DAZAP1: variants seen among roughly 807,000 people sequenced by gnomAD.
DAZAP1 encodes DAZ associated protein 1, also known as DAZ-associated protein 1.
DAZAP1 carries 6 observed loss-of-function variants against 60.1 expected under a neutral mutation model. The observed-to-expected ratio is 0.10, with a 90% CI of 0.05 to 0.20. The LOEUF is 0.20. DAZAP1 is among the 10% of genes least tolerant of loss of function. The pLI is 1.00. For missense variants in DAZAP1, 366 were observed against 560.4 expected, an observed-to-expected ratio of 0.65 and a Z score of 3.50; for synonymous variants, 235 against 215.9, an observed-to-expected ratio of 1.09 and a Z score of -0.78.
At position 1,432,735 on chromosome 19, in the gene DAZAP1, C is replaced by T. The variant is rs367769026; in HGVS notation, c.1048+45C>T. 2.2e-5 allele frequency: 34 copies of T among 1,535,706 alleles called. No individual in the cohort carries two copies. Among genetic ancestry groups the T allele is most frequent in the Non-Finnish European group, 2.9e-5 (33 of 1,137,478 alleles). The stretch of plus-strand genomic sequence containing the variant: ...GCCGCGTCCCCGCTGGCCCCAGGAC[C>T]CTGGGCACGGCCTGCCTTCTTCTGC... On this transcript the variant is annotated intron_variant, in intron 11 of 11. Transcript: ENST00000233078. This position sits in a 1 kb window ranked among gnomAD's most constrained non-coding sequence, Gnocchi z 4.9.
At chr19:1,413,986 G>T (rs1417438273) in intron 1 of DAZAP1, among the ~76,000 whole-genome samples, 1 of 125,036 alleles carries the variant, frequency 8.0e-6, no homozygotes, top group Non-Finnish European at 1.7e-5. Context: ...CACCCCCAGT[G>T]AACTGTGTGT....
intron 9 of DAZAP1, 93 bp from the exon 10 acceptor site, chr19:1,430,129 C>T: frequency 6.6e-7 from 1 of 1,515,694 alleles, no homozygotes. Context: ...GGGTGAGGGG[C>T]CTGCTAGGGC....
rs1005332375 is a variant in DAZAP1 at position 1,434,054 on chromosome 19, G to C, written c.1049-683G>C. ...GCACCCGAATGGGAACCCAGAGGTC[G>C]TGGGAGGGGCTTCCTGCAAGGTGTG... is the stretch of plus-strand genomic sequence containing the variant. On this transcript the variant is annotated intron_variant, in intron 11 of 11. Coordinates refer to ENST00000233078, the MANE Select transcript of DAZAP1 (RefSeq NM_018959.4). The surrounding 1 kb of genome is among the most constrained non-coding windows in gnomAD (Gnocchi z 8.0). 1.7e-6 allele frequency: 1 copy of C among 571,918 alleles called. No individual in the cohort carries two copies. Among genetic ancestry groups the C allele is most frequent in the East Asian group, 2.9e-5 (1 of 34,306 alleles). 35.4% of individuals were successfully genotyped at this position (571,918 alleles called of 1,614,324 possible).
intron 5 of DAZAP1, among the ~76,000 whole-genome samples, chr19:1,421,684 A>AGGGGGCCGGC (rs2083159666): frequency 6.6e-6 from 1 of 152,160 alleles, no homozygotes; most frequent in African/African-American, 2.4e-5. Flanking sequence ...GGACAGCCGG[A>AGGGGGCCGGC]GGGGGCCGGC....
Position 1,425,159 on chromosome 19 carries a change from C to T in DAZAP1, c.464-719C>T, listed in dbSNP as rs1569080789. Among the ~76,000 whole-genome samples, 1 of 152,216 alleles carries T rather than the reference C, an allele frequency of 6.6e-6. No individual in the cohort carries two copies. Among genetic ancestry groups the T allele is most frequent in the African/African-American group, 2.4e-5 (1 of 41,466 alleles). On this transcript the variant is annotated intron_variant, in intron 6 of 11. Coordinates refer to ENST00000233078, the MANE Select transcript of DAZAP1 (RefSeq NM_018959.4). This position sits in a 1 kb window ranked among gnomAD's most constrained non-coding sequence, Gnocchi z 5.4. ...GTATCTTTGTGCATTGTTTCTCTAC[C>T]TGTATAGAACATGCATAGATGTCTA...
At chr19:1,413,840 GAA>G (rs1220063537) in intron 1 of DAZAP1, among the ~76,000 whole-genome samples, 5 of 152,282 alleles carry the variant, frequency 3.3e-5, no homozygotes, top group East Asian at 1.9e-4. Flanking sequence ...TCTCAGTAAT[GAA>G]AGTCTTTTAT....
Position 1,407,788 on chromosome 19 carries a change from C to A in DAZAP1, c.15C>A (p.Gly5=). 9.2e-7 allele frequency: 1 copy of A among 1,081,910 alleles called. No individual in the cohort carries two copies. Among genetic ancestry groups the A allele is most frequent in the Non-Finnish European group, 1.1e-6 (1 of 892,212 alleles). The allele number at this position is 1,081,910 out of a possible 1,614,324, so 67.0% of individuals were successfully genotyped here. A position where few individuals can be genotyped will look rare whatever the true frequency, so the allele number is the denominator to read the frequency against. MNNS[G]ADEIGKLFVG... The stretch of plus-strand genomic sequence containing the variant: ...CCGCCGCCGCCATGAACAACTCGGG[C>A]GCCGACGAGATCGGGTGAGGACGAG... The change falls in exon 1 of 12, where the codon GGC becomes GGA. Residue 5 remains glycine, a synonymous_variant. Transcript: ENST00000233078.
Position 1,426,087 on chromosome 19 carries a change from C to T in DAZAP1, c.546+127C>T, listed in dbSNP as rs890889195. On this transcript the variant is annotated intron_variant, in intron 7 of 11. Transcript: ENST00000233078. The surrounding 1 kb of genome is among the most constrained non-coding windows in gnomAD (Gnocchi z 5.4). ...GAGTTCGTCCTGTGAACCTTTGCTG[C>T]GTGAGGTGGGCCTGGGTCTGTAGAC... 4.5e-5 allele frequency: 33 copies of T among 740,680 alleles called. No homozygotes were observed. The highest frequency in any genetic ancestry group is 6.6e-5 in the Non-Finnish European group (27 of 409,000). The allele number at this position is 740,680 out of a possible 1,614,324, so 45.9% of individuals were successfully genotyped here. A position where few individuals can be genotyped will look rare whatever the true frequency, so the allele number is the denominator to read the frequency against.
At chr19:1,421,504 C>T (rs528864878) in intron 5 of DAZAP1, among the ~76,000 whole-genome samples, 4 of 152,376 alleles carry the variant, frequency 2.6e-5, no homozygotes, top group African/African-American at 7.2e-5. Flanking sequence ...GCCTTCAGGG[C>T]GGCCGCCCGA....
At position 1,433,610 on chromosome 19, in the gene DAZAP1, C is replaced by A; in HGVS notation, c.1048+920C>A. 2.7e-6 allele frequency: 2 copies of A among 743,038 alleles called. No homozygotes were observed. Among genetic ancestry groups the A allele is most frequent in the East Asian group, 2.6e-5 (1 of 38,694 alleles). The allele number at this position is 743,038 out of a possible 1,614,324, so 46.0% of individuals were successfully genotyped here. On this transcript the variant is annotated intron_variant, in intron 11 of 11. Transcript: ENST00000233078. This position sits in a 1 kb window ranked among gnomAD's most constrained non-coding sequence, Gnocchi z 6.1. ...CATGTGTGGGTTCTTGACCCACTCACCACCAAACCCTGGCGTGTCTGAGAC... is the reference window on the plus strand; with the variant it reads ...CATGTGTGGGTTCTTGACCCACTCAACACCAAACCCTGGCGTGTCTGAGAC...
In DAZAP1 at chr19:1,434,523, CTG is replaced by C; in HGVS notation, c.1049-207_1049-206del. On this transcript the variant is annotated intron_variant, in intron 11 of 11. Transcript: ENST00000233078. The surrounding 1 kb of genome is among the most constrained non-coding windows in gnomAD (Gnocchi z 8.0). ...GGAGGGCTCTGGAAGCCGCTTTTCT[CTG>C]TGTGTGCCCCTGCTCACATGTTTTT... is the stretch of plus-strand genomic sequence containing the variant. 5.6e-6 allele frequency: 3 copies of C among 533,952 alleles called. No homozygotes were observed. Among genetic ancestry groups the C allele is most frequent in the Admixed American group, 3.7e-5 (1 of 27,020 alleles). 33.1% of individuals were successfully genotyped at this position (533,952 alleles called of 1,614,324 possible).
intron 10 of DAZAP1, 59 bp downstream of exon 10, chr19:1,430,421 G>A: frequency 4.2e-6 from 6 of 1,431,282 alleles, no homozygotes; most frequent in Non-Finnish European, 5.5e-6. Flanking sequence ...GCCAGGTGGT[G>A]GGCGGGGTGA....
At chr19:1,411,513 G>C (rs1399435150) in intron 1 of DAZAP1, among the ~76,000 whole-genome samples, 1 of 152,198 alleles carries the variant, frequency 6.6e-6, no homozygotes, top group East Asian at 1.9e-4. Flanking sequence ...CCTGTGAATG[G>C]GCCTTGAGGG....
rs1225836244 is a variant in DAZAP1, at chr19:1,411,586, A to G, written c.29+3784A>G. On this transcript the variant is annotated intron_variant, in intron 1 of 11. Coordinates refer to ENST00000233078, the MANE Select transcript of DAZAP1 (RefSeq NM_018959.4). ...GTCTGGAGCAGGCCGGTGTCTAGAA[A>G]GGCAGCAGCATGGACCCTGGCGCTT... 2.0e-5 allele frequency among the ~76,000 whole-genome samples: 3 copies of G among 152,350 alleles called. No individual in the cohort carries two copies. In the East Asian group the frequency reaches 5.8e-4, roughly 29 times the overall value.
intron 1 of DAZAP1, among the ~76,000 whole-genome samples, chr19:1,410,427 G>T (rs1600177874): frequency 6.6e-6 from 1 of 152,302 alleles, no homozygotes; most frequent in East Asian, 1.9e-4. Context: ...TGGGGGACAG[G>T]CACTGACCTG....
At position 1,429,879 on chromosome 19, in the gene DAZAP1, C is replaced by G. The variant is rs73920483; in HGVS notation, c.701-88C>G. 2,627 of 1,520,064 alleles carry G rather than the reference C, an allele frequency of 1.7e-3. 44 individuals carry two copies. In the African/African-American group the frequency reaches 0.032, roughly 19 times the overall value. 94.2% of individuals were successfully genotyped at this position (1,520,064 alleles called of 1,614,324 possible). Reference sequence around the variant, plus strand: ...CAGGAGGCTCCGGGGTTGGTCCCAGCCCTTGACGTCCATGCTCTGCGGCTC... The same window carrying G: ...CAGGAGGCTCCGGGGTTGGTCCCAGGCCTTGACGTCCATGCTCTGCGGCTC... On this transcript the variant is annotated intron_variant, in intron 8 of 11. Coordinates refer to ENST00000233078, the MANE Select transcript of DAZAP1 (RefSeq NM_018959.4).
At chr19:1,413,675 G>A (rs542324291) in intron 1 of DAZAP1, among the ~76,000 whole-genome samples, 2 of 152,000 alleles carry the variant, frequency 1.3e-5, no homozygotes, top group African/African-American at 2.4e-5. Flanking sequence ...GGTGCCTCAC[G>A]CCTGTCATCC....
At chr19:1,421,657 A>G (rs1322579148) in intron 5 of DAZAP1, among the ~76,000 whole-genome samples, 1 of 152,266 alleles carries the variant, frequency 6.6e-6, no homozygotes, top group East Asian at 1.9e-4. Flanking sequence ...CGTTGAGCCC[A>G]GTGCCAGAGG....
At chr19:1,408,694 C>T (rs1440583112) in intron 1 of DAZAP1, among the ~76,000 whole-genome samples, 1 of 152,226 alleles carries the variant, frequency 6.6e-6, no homozygotes, top group Non-Finnish European at 1.5e-5. Flanking sequence ...GAGGCGGCGA[C>T]GGGCCCGCGG....
Sources: allele counts gnomAD v4.1 joint callset (sites outside exome capture counted in the v4.1 genomes callset), GRCh38; gene constraint gnomAD v4.1.1; non-coding constraint Gnocchi (gnomAD v3.1); transcripts MANE v1.5; gene names NCBI Gene and HGNC (gene_info 2026-07-23, HGNC 2026-07-21).